Variants in EPHA5 observed in about 807,000 individuals in gnomAD.
EPHA5 encodes the protein ephrin type-A receptor 5.
Under a neutral mutation model 105.0 loss-of-function variants are expected in EPHA5, and 60 were observed. That is an observed-to-expected ratio of 0.57 (90% CI 0.46 to 0.71). The LOEUF (loss-of-function observed/expected upper bound fraction) is 0.71. Ranked by LOEUF, EPHA5 falls within the 30% of genes least tolerant of loss-of-function variation. The pLI is 0.00. For synonymous variants in EPHA5, 513 were observed against 449.1 expected, an observed-to-expected ratio of 1.14 and a Z score of -1.80; for missense variants, 1,218 against 1,274.7, an observed-to-expected ratio of 0.96 and a Z score of 0.68.
At chr4:65,656,142 A>G (rs1157485395) in intron 1 of EPHA5, among the ~76,000 whole-genome samples, 1 of 151,394 alleles carries the variant, frequency 6.6e-6, no homozygotes, top group African/African-American at 2.4e-5. Flanking sequence ...AAAAAAAAAA[A>G]AAAAAAAAAA....
rs565175389 is a variant in EPHA5 at position 65,444,099 on chromosome 4, G to A, written c.1403-23534C>T. Among the ~76,000 whole-genome samples, 331 of 152,230 alleles carry A rather than the reference G, an allele frequency of 2.2e-3. 2 individuals carry two copies. Among genetic ancestry groups the A allele is most frequent in the Middle Eastern group, 6.8e-3 (2 of 294 alleles). On this transcript the variant is annotated intron_variant, in intron 5 of 16. Coordinates refer to ENST00000613740, the MANE Select transcript of EPHA5 (RefSeq NM_001281766.3). Reference sequence around the variant, plus strand: ...GTACTTATATAGTAATTTTACTAATGTTGCTACCAAGTAATTAGGCTACAT... The same window carrying A: ...GTACTTATATAGTAATTTTACTAATATTGCTACCAAGTAATTAGGCTACAT...
At chr4:65,493,791 C>T (rs1425003734) in intron 4 of EPHA5, among the ~76,000 whole-genome samples, 1 of 151,292 alleles carries the variant, frequency 6.6e-6, no homozygotes, top group Non-Finnish European at 1.5e-5. Flanking sequence ...CATTTCCAAT[C>T]CTAACAAATT....
chr4:65,367,991 G>A (rs562684240), intron 8 of EPHA5, among the ~76,000 whole-genome samples: 8 of 151,708 alleles, frequency 5.3e-5, no homozygotes, highest in South Asian at 2.1e-4. Context: ...GTCTCTCTTC[G>A]TTTTCTCAAT....
intron 5 of EPHA5, among the ~76,000 whole-genome samples, chr4:65,480,633 G>A (rs1364820243): frequency 2.6e-5 from 4 of 152,114 alleles, no homozygotes; most frequent in African/African-American, 9.7e-5. Context: ...TGTGGCAATA[G>A]CAATTGCAAT....
intron 3 of EPHA5, among the ~76,000 whole-genome samples, chr4:65,507,373 C>T (rs960081927): frequency 6.6e-6 from 1 of 152,000 alleles, no homozygotes; most frequent in Non-Finnish European, 1.5e-5. Context: ...TCCATATGAA[C>T]TTTAAAGTAG....
At position 65,495,479 on chromosome 4, in the gene EPHA5, G is replaced by C. The variant is rs1376717903; in HGVS notation, c.975C>G (p.His325Gln). ...TTGAAGCTTCCTCATGGGTATAACTGTGAGGTGGACATTTGCCGCAGCTCT... is the reference window on the plus strand; with the variant it reads ...TTGAAGCTTCCTCATGGGTATAACTCTGAGGTGGACATTTGCCGCAGCTCT... ...HIQSCGKCPP[H>Q]SYTHEEASTS... Residue 325 changes from histidine (H) to glutamine (Q), a missense_variant, in exon 4 of 17, where the codon CAC (histidine) becomes CAG (glutamine). This residue lies in a region of EPHA5 where 971 missense variants were observed against 1,013.5 expected (regional missense o/e 0.96). Coordinates refer to ENST00000613740, the MANE Select transcript of EPHA5 (RefSeq NM_001281766.3). The C allele has an allele frequency of 1.9e-6, 3 of 1,613,644 alleles. No homozygotes were observed. Among genetic ancestry groups the C allele is most frequent in the East Asian group, 4.5e-5 (2 of 44,856 alleles).
At chr4:65,486,230 C>T (rs1325845241) in intron 5 of EPHA5, among the ~76,000 whole-genome samples, 1 of 152,004 alleles carries the variant, frequency 6.6e-6, no homozygotes, top group Non-Finnish European at 1.5e-5. Context: ...TATACCAGGT[C>T]ATTGTTCTTT....
intron 5 of EPHA5, among the ~76,000 whole-genome samples, chr4:65,470,754 A>G (rs1452420288): frequency 6.6e-6 from 1 of 152,204 alleles, no homozygotes; most frequent in Admixed American, 6.5e-5. Context: ...TACATATGCG[A>G]CTTCACAGTT....
intron 5 of EPHA5, among the ~76,000 whole-genome samples, chr4:65,468,566 TTATA>T (rs10578603): frequency 0.13 from 15,640 of 121,882 alleles, 1,582 homozygotes; most frequent in East Asian, 0.4. Context: ...ATATTATATA[TTATA>T]TATATATATG....
At chr4:65,476,122 G>GTGT (rs1729779626) in intron 5 of EPHA5, among the ~76,000 whole-genome samples, 1 of 126,214 alleles carries the variant, frequency 7.9e-6, no homozygotes, top group African/African-American at 3.2e-5. Flanking sequence ...GAGAGAGAGA[G>GTGT]AGAGAGTGTG....
chr4:65,603,026 C>T (rs1743889857), intron 2 of EPHA5, among the ~76,000 whole-genome samples: 1 of 152,026 alleles, frequency 6.6e-6, no homozygotes, highest in African/African-American at 2.4e-5. Context: ...TATGGATAGC[C>T]TTGTCATTTT....
At chr4:65,500,935 G>A (rs1732426208) in intron 3 of EPHA5, among the ~76,000 whole-genome samples, 1 of 151,064 alleles carries the variant, frequency 6.6e-6, no homozygotes, top group African/African-American at 2.4e-5. Flanking sequence ...AAGCATTGCT[G>A]GCCTTATCTA....
At chr4:65,583,406 T>C (rs1266728512) in intron 3 of EPHA5, among the ~76,000 whole-genome samples, 1 of 151,856 alleles carries the variant, frequency 6.6e-6, no homozygotes, top group African/African-American at 2.4e-5. Flanking sequence ...ACATTCGTCT[T>C]TAATCTTACT....
intron 2 of EPHA5, among the ~76,000 whole-genome samples, chr4:65,640,628 A>G (rs2149510093): frequency 6.6e-6 from 1 of 152,276 alleles, no homozygotes; most frequent in Non-Finnish European, 1.5e-5. Context: ...TATTGCTTAG[A>G]CAGAATATTT....
At chr4:65,484,832 A>T (rs925548022) in intron 5 of EPHA5, among the ~76,000 whole-genome samples, 6 of 151,918 alleles carry the variant, frequency 3.9e-5, no homozygotes, top group African/African-American at 1.5e-4. Context: ...AAAGATAAAG[A>T]AATTTCAGAG....
intron 5 of EPHA5, among the ~76,000 whole-genome samples, chr4:65,463,246 G>C (rs1728291391): frequency 6.6e-6 from 1 of 152,094 alleles, no homozygotes; most frequent in African/African-American, 2.4e-5. Flanking sequence ...GTTCAGCACA[G>C]ATGACTCTTT....
intron 14 of EPHA5, among the ~76,000 whole-genome samples, chr4:65,340,712 A>G (rs905388313): frequency 7.9e-5 from 12 of 152,146 alleles, no homozygotes; most frequent in South Asian, 2.1e-4. Flanking sequence ...AGAACCATGA[A>G]ACAGATGTTT....
chr4:65,640,282 C>CT lies in EPHA5; in HGVS notation c.246+3080dup, dbSNP rs869149037. ...CATTGAAGTCATTGCTCAGTTTTTT[C>CT]TTTTTTTTTTTTTTTTTTTTTGAGA... On this transcript the variant is annotated intron_variant, in intron 2 of 16. Transcript: ENST00000613740. Among the ~76,000 whole-genome samples, 128 of 92,198 alleles carry CT rather than the reference C, an allele frequency of 1.4e-3. 8 individuals are homozygous for CT. Among genetic ancestry groups the CT allele is most frequent in the African/African-American group, 4.5e-3 (104 of 23,312 alleles). The allele number at this position is 92,198 out of a possible 152,430, so 60.5% of individuals were successfully genotyped here.
At chr4:65,552,446 C>T (rs1009108919) in intron 3 of EPHA5, among the ~76,000 whole-genome samples, 1 of 152,092 alleles carries the variant, frequency 6.6e-6, no homozygotes, top group South Asian at 2.1e-4. Context: ...TTTTCTGGTC[C>T]GTTTTCTTCT....
Sources: gnomAD v4.1 joint callset for allele counts (sites outside exome capture counted in the v4.1 genomes callset) on GRCh38, gnomAD v4.1.1 for gene constraint, gnomAD v4.1.1 regional missense constraint, MANE v1.5 for transcripts, NCBI Gene and HGNC (gene_info 2026-07-23, HGNC 2026-07-21) for gene names.